Variants in CABP7 observed in about 807,000 individuals in gnomAD.
The protein encoded by CABP7 is calcium-binding protein 7.
In CABP7, 13 loss-of-function variants were observed where a neutral mutation model predicts 23.1. The ratio of observed to expected loss-of-function variants is 0.56; its 90% CI spans 0.37 to 0.90. The LOEUF is 0.90. CABP7 is among the 40% of genes least tolerant of loss of function. The pLI, the probability that CABP7 is intolerant of heterozygous loss-of-function variation, is 0.01. For missense variants in CABP7, 248 were observed against 295.6 expected, an observed-to-expected ratio of 0.84 and a Z score of 1.18; for synonymous variants, 123 against 115.3, an observed-to-expected ratio of 1.07 and a Z score of -0.43.
chr22:29,723,594 T>G (rs2067776602), intron 1 of CABP7, among the ~76,000 whole-genome samples: 1 of 152,168 alleles, frequency 6.6e-6, no homozygotes, highest in Admixed American at 6.5e-5. Context: ...GGTAGGGCTC[T>G]GGGGCTGACA....
Position 29,731,663 on chromosome 22 carries a change from C to A in CABP7, c.*2094C>A, listed in dbSNP as rs139093549. On this transcript the variant is annotated 3_prime_UTR_variant, in exon 5 of 5. Coordinates refer to ENST00000216144, the MANE Select transcript of CABP7 (RefSeq NM_182527.3). Reference sequence around the variant, plus strand: ...CACGTCCACAGCAGAGAATGCCATGCGGCCTGTGTAAGAATTAAGGCAGAT... The same window carrying A: ...CACGTCCACAGCAGAGAATGCCATGAGGCCTGTGTAAGAATTAAGGCAGAT... 3.1e-6 allele frequency: 1 copy of A among 317,792 alleles called. No individual in the cohort carries two copies. The highest frequency in any genetic ancestry group is 5.6e-5 in the Admixed American group (1 of 17,956). The allele number at this position is 317,792 out of a possible 1,614,324, so 19.7% of individuals were successfully genotyped here.
At chr22:29,725,131 C>T (rs1360146090) in intron 1 of CABP7, among the ~76,000 whole-genome samples, 1 of 152,112 alleles carries the variant, frequency 6.6e-6, no homozygotes. Context: ...CCCTGGTCCT[C>T]CTTCCCCACA....
intron 1 of CABP7, among the ~76,000 whole-genome samples, chr22:29,725,402 T>A (rs529153732): frequency 6.6e-6 from 1 of 152,194 alleles, no homozygotes; most frequent in African/African-American, 2.4e-5. Flanking sequence ...GTGCTTCAGA[T>A]GGATGGGCTC....
Position 29,731,158 on chromosome 22 carries a change from G to T in CABP7, c.*1589G>T. On this transcript the variant is annotated 3_prime_UTR_variant, in exon 5 of 5. Coordinates refer to ENST00000216144, the MANE Select transcript of CABP7 (RefSeq NM_182527.3). ...GCCTCCATGGGGCGTAGCAGGAACC[G>T]GGCTTGGCTTCCTATTGTGACTGAT... The T allele has an allele frequency of 7.0e-7, 1 of 1,425,804 alleles. No homozygotes were observed. The highest frequency in any genetic ancestry group is 1.7e-5 in the South Asian group (1 of 60,420). 88.3% of individuals were successfully genotyped at this position (1,425,804 alleles called of 1,614,324 possible). A position where few individuals can be genotyped will look rare whatever the true frequency, so the allele number is the denominator to read the frequency against.
chr22:29,728,690 C>T lies in CABP7; in HGVS notation c.314C>T (p.Ser105Leu). 1.9e-6 allele frequency: 3 copies of T among 1,613,766 alleles called. No homozygotes were observed. Among genetic ancestry groups the T allele is most frequent in the Non-Finnish European group, 2.5e-6 (3 of 1,179,912 alleles). The change falls in exon 3 of 5, where the codon TCA becomes TTA. Residue 105 changes from serine (S) to leucine (L), a missense_variant. By Grantham distance (145) the Ser-to-Leu change is moderately radical (BLOSUM62 -2). Transcript: ENST00000216144. ...CTTCTGGGACCCAAACTCTCCACCT[C>T]AGGGATCCCAGAGAAGTTCCATGGC... ...VTLLGPKLSTSGIPEKFHGTD... is the reference protein window; with the variant it reads ...VTLLGPKLSTLGIPEKFHGTD...
At chr22:29,728,383 C>G in intron 2 of CABP7, among the ~76,000 whole-genome samples, 1 of 152,168 alleles carries the variant, frequency 6.6e-6, no homozygotes, top group Admixed American at 6.5e-5. Context: ...AGGGTCACGG[C>G]CCACCTGCTG....
rs901212872 is a variant in CABP7, at chr22:29,720,861, C to T, written c.109+328C>T. Among the ~76,000 whole-genome samples the T allele has an allele frequency of 2.6e-5, 4 of 151,684 alleles. No individual in the cohort carries two copies. The highest frequency in any genetic ancestry group is 2.1e-4 in the South Asian group (1 of 4,830). On this transcript the variant is annotated intron_variant, in intron 1 of 4. Transcript: ENST00000216144. This position sits in a 1 kb window ranked among gnomAD's most constrained non-coding sequence, Gnocchi z 5.2. ...AACGCGGCGGACTGGGGCGGGGGTC[C>T]GCGCTGAGCCCCCAGCGCCGGCCCG...
intron 1 of CABP7, among the ~76,000 whole-genome samples, chr22:29,726,162 A>C (rs1258899151): frequency 6.6e-6 from 1 of 152,060 alleles, no homozygotes; most frequent in Admixed American, 6.5e-5. Context: ...TGGTGGGATG[A>C]GTGAAGGGGA....
chr22:29,728,913 G>A lies in CABP7; in HGVS notation c.367-142G>A, dbSNP rs143196301. ...GGGCTCCCTGGGGAGGCCGGTGTTGGTCAAGGACTCTCTGGGGGAATGGAG... is the reference window on the plus strand; with the variant it reads ...GGGCTCCCTGGGGAGGCCGGTGTTGATCAAGGACTCTCTGGGGGAATGGAG... On this transcript the variant is annotated intron_variant, in intron 3 of 4. Coordinates refer to ENST00000216144, the MANE Select transcript of CABP7 (RefSeq NM_182527.3). The A allele has an allele frequency of 3.6e-5, 44 of 1,208,266 alleles. No homozygotes were observed. In the East Asian group the frequency reaches 1.1e-3, roughly 29 times the overall value. 74.8% of individuals were successfully genotyped at this position (1,208,266 alleles called of 1,614,324 possible).
chr22:29,725,339 G>A lies in CABP7; in HGVS notation c.110-2323G>A, dbSNP rs541906128. 3.7e-3 allele frequency among the ~76,000 whole-genome samples: 558 copies of A among 152,238 alleles called. 4 individuals are homozygous for A. The highest frequency in any genetic ancestry group is 4.7e-3 in the Non-Finnish European group (319 of 68,000). On this transcript the variant is annotated intron_variant, in intron 1 of 4. Transcript: ENST00000216144. ...GGATTGTTCGTGGGCTCTGAGTAGC[G>A]GCTTCACAGCAAGCGGTATGTGAAC...
chr22:29,729,763 G>A lies in CABP7; in HGVS notation c.*194G>A, dbSNP rs1042659680. 8.5e-6 allele frequency: 6 copies of A among 702,814 alleles called. No homozygotes were observed. The highest frequency in any genetic ancestry group is 1.8e-5 in the African/African-American group (1 of 55,780). The allele number at this position is 702,814 out of a possible 1,614,324, so 43.5% of individuals were successfully genotyped here. On this transcript the variant is annotated 3_prime_UTR_variant, in exon 5 of 5. Transcript: ENST00000216144. Reference sequence around the variant, plus strand: ...GCTGTGGCCTGGCTGTGGAGGGCCGGGTGGTGGCTCTGAGGATGGTCCCCA... The same window carrying A: ...GCTGTGGCCTGGCTGTGGAGGGCCGAGTGGTGGCTCTGAGGATGGTCCCCA...
At chr22:29,722,615 T>C (rs2067769317) in intron 1 of CABP7, among the ~76,000 whole-genome samples, 1 of 152,248 alleles carries the variant, frequency 6.6e-6, no homozygotes, top group Admixed American at 6.5e-5. Context: ...GCAGGTGCCC[T>C]AAAAGCCCTC....
Position 29,730,308 on chromosome 22 carries a change from C to CA in CABP7, c.*740dup, listed in dbSNP as rs2067830253. ...AGGATGGGCATCTGAGGTGGCCCTGCAGCCCCCCACCTTCTGGCCCTCCCA... is the reference window on the plus strand; with the variant it reads ...AGGATGGGCATCTGAGGTGGCCCTGCAAGCCCCCCACCTTCTGGCCCTCCCA... On this transcript the variant is annotated 3_prime_UTR_variant, in exon 5 of 5. Transcript: ENST00000216144. 1 of 152,718 alleles carries CA rather than the reference C, an allele frequency of 6.5e-6. No homozygotes were observed. Among genetic ancestry groups the CA allele is most frequent in the African/African-American group, 2.4e-5 (1 of 41,462 alleles). The allele number at this position is 152,718 out of a possible 1,614,324, so 9.5% of individuals were successfully genotyped here. A position where few individuals can be genotyped will look rare whatever the true frequency, so the allele number is the denominator to read the frequency against.
intron 3 of CABP7, 135 bp downstream of exon 3, chr22:29,728,877 C>T: frequency 5.8e-6 from 6 of 1,029,054 alleles, no homozygotes; most frequent in Non-Finnish European, 7.3e-6. Flanking sequence ...TTTCACCTCT[C>T]AGAGGGCCAT....
In CABP7 at chr22:29,720,545, C is replaced by A. The variant is rs1363860636; in HGVS notation, c.109+12C>A. On this transcript the variant is annotated intron_variant, in intron 1 of 4. Transcript: ENST00000216144. The surrounding 1 kb of genome is among the most constrained non-coding windows in gnomAD (Gnocchi z 5.2). ...GGACGAGCTGGAGGGTGAGTGTCCG[C>A]CGGGATCCCCGCCCCGGCGGCCCTC... The A allele has an allele frequency of 2.0e-6, 3 of 1,508,882 alleles. No homozygotes were observed. Among genetic ancestry groups the A allele is most frequent in the Non-Finnish European group, 2.7e-6 (3 of 1,124,294 alleles). 93.5% of individuals were successfully genotyped at this position (1,508,882 alleles called of 1,614,324 possible).
rs2067802485 is a variant in CABP7, at chr22:29,727,289, G to A, written c.110-373G>A. ...GGGGGAGAGGGGGATGAAAGGAATG[G>A]GGGCGGGTGGGGAAGCCGTCAGCAG... On this transcript the variant is annotated intron_variant, in intron 1 of 4. Transcript: ENST00000216144. This position sits in a 1 kb window ranked among gnomAD's most constrained non-coding sequence, Gnocchi z 4.2. 7.0e-6 allele frequency among the ~76,000 whole-genome samples: 1 copy of A among 143,580 alleles called. No homozygotes were observed. The highest frequency in any genetic ancestry group is 1.5e-5 in the Non-Finnish European group (1 of 67,790). The allele number at this position is 143,580 out of a possible 152,430, so 94.2% of individuals were successfully genotyped here.
chr22:29,728,970 G>A lies in CABP7; in HGVS notation c.367-85G>A, dbSNP rs1048753399. ...TTTTCCAGCCCCCCAGAATCTAGAGGCCTGTCACCGGGTCTGTATGGCCGT... is the reference window on the plus strand; with the variant it reads ...TTTTCCAGCCCCCCAGAATCTAGAGACCTGTCACCGGGTCTGTATGGCCGT... On this transcript the variant is annotated intron_variant, in intron 3 of 4. Transcript: ENST00000216144. The A allele has an allele frequency of 2.6e-6, 4 of 1,510,432 alleles. No homozygotes were observed. In the African/African-American group the frequency reaches 4.1e-5, roughly 16 times the overall value. The allele number at this position is 1,510,432 out of a possible 1,614,324, so 93.6% of individuals were successfully genotyped here. A position where few individuals can be genotyped will look rare whatever the true frequency, so the allele number is the denominator to read the frequency against.
chr22:29,728,503 G>A, intron 2 of CABP7, 127 bp from the exon 3 acceptor site: 2 of 609,312 alleles, frequency 3.3e-6, no homozygotes, highest in Non-Finnish European at 6.0e-6. Context: ...GCTCAGAGAA[G>A]GCGGGCACCT....
intron 1 of CABP7, among the ~76,000 whole-genome samples, chr22:29,721,160 G>A (rs1285377756): frequency 2.2e-4 from 33 of 152,154 alleles, no homozygotes. Context: ...CGGACTGGGC[G>A]GCTAAGTCGC....
Sources: allele counts gnomAD v4.1 joint callset (sites outside exome capture counted in the v4.1 genomes callset), GRCh38; gene constraint gnomAD v4.1.1; non-coding constraint Gnocchi (gnomAD v3.1); transcripts MANE v1.5; gene names NCBI Gene and HGNC (gene_info 2026-07-23, HGNC 2026-07-21).